The following EPS8 variants were observed in gnomAD, a reference collection of about 807,000 sequenced individuals.
The protein encoded by EPS8 is epidermal growth factor receptor kinase substrate 8.
In EPS8, 42 loss-of-function variants were observed where a neutral mutation model predicts 103.8. The ratio of observed to expected loss-of-function variants is 0.40; its 90% CI spans 0.32 to 0.52. The LOEUF (loss-of-function observed/expected upper bound fraction) is 0.52. Ranked by LOEUF, EPS8 falls within the 20% of genes least tolerant of loss-of-function variation. The pLI is 0.40. For missense variants in EPS8, 969 were observed against 1,005.1 expected (o/e 0.96, Z 0.49); for synonymous variants, 344 against 344.6 (o/e 1.00, Z 0.02).
intron 1 of EPS8, among the ~76,000 whole-genome samples, chr12:15,773,928 C>T (rs988493157): frequency 4.6e-5 from 7 of 152,000 alleles, no homozygotes; most frequent in Non-Finnish European, 8.8e-5. Context: ...TTTTTTGTGA[C>T]TTTAATAAAC....
intron 18 of EPS8, among the ~76,000 whole-genome samples, chr12:15,625,083 C>G (rs1286260229): frequency 6.6e-6 from 1 of 152,138 alleles, no homozygotes. Flanking sequence ...ACCCTATTCC[C>G]CAATCCTCAC....
In EPS8 at chr12:15,704,393, T is replaced by C. The variant is rs1946356240; in HGVS notation, c.-21-21421A>G. ...CTACATAAGGGAATTATTTATCCTT[T>C]AAAAGGAAACAGACATCTCTCATAC... On this transcript the variant is annotated intron_variant, in intron 1 of 20. Transcript: ENST00000281172. This position sits in a 1 kb window ranked among gnomAD's most constrained non-coding sequence, Gnocchi z 4.6. 6.6e-6 allele frequency among the ~76,000 whole-genome samples: 1 copy of C among 152,148 alleles called. No homozygotes were observed. The highest frequency in any genetic ancestry group is 2.4e-5 in the African/African-American group (1 of 41,428).
intron 18 of EPS8, 85 bp downstream of exon 18, chr12:15,631,357 C>T: frequency 6.4e-7 from 1 of 1,571,482 alleles, no homozygotes; most frequent in Non-Finnish European, 8.6e-7. Flanking sequence ...GACTTTAATA[C>T]AAGTAGAATC....
rs920547761 is a variant in EPS8 at position 15,621,373 on chromosome 12, T to A, written c.2413A>T (p.Ser805Cys). Residue 805 changes from serine (S) to cysteine (C), a missense_variant, in exon 21 of 21, where the codon AGT (serine) becomes TGT (cysteine). Physicochemically the swap from Ser to Cys is moderately radical, Grantham distance 112. Coordinates refer to ENST00000281172, the MANE Select transcript of EPS8 (RefSeq NM_004447.6). The part of the protein sequence containing the change: ...EIMRRRQEKI[S>C]AAASDSGVES... ...ACTCCTGAATCACTAGCGGCAGCAC[T>A]GATTTTTTCCTGTCGTCTTCTCATA... 6.2e-7 allele frequency: 1 copy of A among 1,605,182 alleles called. No homozygotes were observed. The highest frequency in any genetic ancestry group is 1.7e-5 in the Admixed American group (1 of 58,284).
intron 8 of EPS8, among the ~76,000 whole-genome samples, chr12:15,663,800 T>C (rs1218352317): frequency 2.0e-5 from 3 of 150,350 alleles, no homozygotes; most frequent in Non-Finnish European, 1.5e-5. Context: ...CACACGCCTG[T>C]AATCCCAGCT....
chr12:15,627,239 C>G (rs1565465597), intron 18 of EPS8, among the ~76,000 whole-genome samples: 2 of 152,020 alleles, frequency 1.3e-5, no homozygotes, highest in Non-Finnish European at 2.9e-5. Flanking sequence ...CTCCTGACCT[C>G]GTGATCCACC....
intron 3 of EPS8, among the ~76,000 whole-genome samples, chr12:15,681,005 G>A (rs1339077402): frequency 6.6e-6 from 1 of 152,036 alleles, no homozygotes; most frequent in Non-Finnish European, 1.5e-5. Flanking sequence ...TGAAAGCACT[G>A]CAATACATTT....
At chr12:15,707,708 A>G (rs1946406416) in intron 1 of EPS8, among the ~76,000 whole-genome samples, 1 of 152,178 alleles carries the variant, frequency 6.6e-6, no homozygotes, top group South Asian at 2.1e-4. Flanking sequence ...CAATCTTGTA[A>G]TGAAGTTGGT....
rs1275041027 is a variant in EPS8 at position 15,769,172 on chromosome 12, A to G, written c.-22+19989T>C. Among the ~76,000 whole-genome samples, 1 of 152,144 alleles carries G rather than the reference A, an allele frequency of 6.6e-6. No homozygotes were observed. Among genetic ancestry groups the G allele is most frequent in the Non-Finnish European group, 1.5e-5 (1 of 68,022 alleles). On this transcript the variant is annotated intron_variant, in intron 1 of 20. Transcript: ENST00000281172. This position sits in a 1 kb window ranked among gnomAD's most constrained non-coding sequence, Gnocchi z 4.6. Reference sequence around the variant, plus strand: ...AGGATCACATGAACTAACCTGAAAGAAAAAAACAGGAGTTCTCTGTCTATA... The same window carrying G: ...AGGATCACATGAACTAACCTGAAAGGAAAAAACAGGAGTTCTCTGTCTATA...
At position 15,647,130 on chromosome 12, in the gene EPS8, T is replaced by C; in HGVS notation, c.1565A>G (p.Asp522Gly). ...AAGGGTGCCCATTAAATGTTACCTA[T>C]CTATATGGCGATTAGAAGTTGGCTT... is the stretch of plus-strand genomic sequence containing the variant. ...AFKPTSNRHI[D>G]RNYEPLKTQP... is the part of the protein sequence containing the mutation. Residue 522 changes from aspartate to glycine, a missense_variant, in exon 15 of 21, where the codon GAT (aspartate) becomes GGT (glycine). By Grantham distance (94) the Asp-to-Gly change is moderately conservative (BLOSUM62 -1). Coordinates refer to ENST00000281172, the MANE Select transcript of EPS8 (RefSeq NM_004447.6). The C allele has an allele frequency of 1.9e-6, 3 of 1,613,298 alleles. No homozygotes were observed. Among genetic ancestry groups the C allele is most frequent in the Non-Finnish European group, 1.7e-6 (2 of 1,179,612 alleles).
chr12:15,778,637 A>G lies in EPS8; in HGVS notation c.-22+10524T>C, dbSNP rs1347634100. ...AAAAATTCACATTCCTGGATTAAAG[A>G]ATAATATTTGTAAACTCCCAAACAC... is the stretch of plus-strand genomic sequence containing the variant. On this transcript the variant is annotated intron_variant, in intron 1 of 20. Transcript: ENST00000281172. The surrounding 1 kb of genome is among the most constrained non-coding windows in gnomAD (Gnocchi z 4.5). Among the ~76,000 whole-genome samples, 1 of 152,208 alleles carries G rather than the reference A, an allele frequency of 6.6e-6. No individual in the cohort carries two copies. Among genetic ancestry groups the G allele is most frequent in the Admixed American group, 6.5e-5 (1 of 15,290 alleles).
Position 15,684,714 on chromosome 12 carries a change from G to A in EPS8, c.-21-1742C>T, listed in dbSNP as rs1205133721. Among the ~76,000 whole-genome samples the A allele has an allele frequency of 6.6e-6, 1 of 152,114 alleles. No individual in the cohort carries two copies. Among genetic ancestry groups the A allele is most frequent in the Non-Finnish European group, 1.5e-5 (1 of 68,024 alleles). ...TGTCATTACTTTCTGGAAGGGCTGG[G>A]ACTTGACCTAGTTCTTAAAAAAATG... is the stretch of plus-strand genomic sequence containing the variant. On this transcript the variant is annotated intron_variant, in intron 1 of 20. Coordinates refer to ENST00000281172, the MANE Select transcript of EPS8 (RefSeq NM_004447.6). The surrounding 1 kb of genome is among the most constrained non-coding windows in gnomAD (Gnocchi z 4.9).
At chr12:15,726,535 T>C (rs1046275431) in intron 1 of EPS8, among the ~76,000 whole-genome samples, 1 of 152,066 alleles carries the variant, frequency 6.6e-6, no homozygotes, top group African/African-American at 2.4e-5. Flanking sequence ...TCAGATTTTG[T>C]GAAAAAGCCT....
chr12:15,655,776 C>T (rs1385186088), intron 12 of EPS8, among the ~76,000 whole-genome samples: 1 of 152,190 alleles, frequency 6.6e-6, no homozygotes, highest in African/African-American at 2.4e-5. Flanking sequence ...GGCACATGTG[C>T]TGTGGCTACG....
chr12:15,748,576 A>G lies in EPS8; in HGVS notation c.-22+40585T>C, dbSNP rs1402558127. On this transcript the variant is annotated intron_variant, in intron 1 of 20. Coordinates refer to ENST00000281172, the MANE Select transcript of EPS8 (RefSeq NM_004447.6). The surrounding 1 kb of genome is among the most constrained non-coding windows in gnomAD (Gnocchi z 4.8). Reference sequence around the variant, plus strand: ...AGAGAAATTCCACAGCTCCCTTGGTATTTTTCACTCTGGATCTGAACAACT... The same window carrying G: ...AGAGAAATTCCACAGCTCCCTTGGTGTTTTTCACTCTGGATCTGAACAACT... Among the ~76,000 whole-genome samples, 2 of 152,082 alleles carry G rather than the reference A, an allele frequency of 1.3e-5. No homozygotes were observed. The highest frequency in any genetic ancestry group is 4.8e-5 in the African/African-American group (2 of 41,404).
chr12:15,696,511 T>C lies in EPS8; in HGVS notation c.-21-13539A>G, dbSNP rs1357849320. On this transcript the variant is annotated intron_variant, in intron 1 of 20. Coordinates refer to ENST00000281172, the MANE Select transcript of EPS8 (RefSeq NM_004447.6). The surrounding 1 kb of genome is among the most constrained non-coding windows in gnomAD (Gnocchi z 4.8). ...AAAAAATTAGCTGGGCATGATGACA[T>C]ATACCTGTAATCCCAGCTACTCGGG... Among the ~76,000 whole-genome samples the C allele has an allele frequency of 6.6e-6, 1 of 151,720 alleles. No homozygotes were observed. The highest frequency in any genetic ancestry group is 2.4e-5 in the African/African-American group (1 of 41,268).
chr12:15,630,712 TATG>T (rs147672459), intron 18 of EPS8, among the ~76,000 whole-genome samples: 1 of 151,798 alleles, frequency 6.6e-6, no homozygotes, highest in East Asian at 1.9e-4. Context: ...GTAGGAAGGT[TATG>T]ATGATGATGA....
rs1946510422 is a variant in EPS8, at chr12:15,714,778, A to G, written c.-21-31806T>C. Among the ~76,000 whole-genome samples the G allele has an allele frequency of 6.6e-6, 1 of 152,214 alleles. No homozygotes were observed. The highest frequency in any genetic ancestry group is 2.1e-4 in the South Asian group (1 of 4,830). ...CTCAGAGTTTTCATCAGGTTTCTAT[A>G]ACTTTAAAAGTGAAAAGCATCACTA... is the stretch of plus-strand genomic sequence containing the variant. On this transcript the variant is annotated intron_variant, in intron 1 of 20. Transcript: ENST00000281172. The surrounding 1 kb of genome is among the most constrained non-coding windows in gnomAD (Gnocchi z 4.1).
chr12:15,663,944 A>AAAAAAAATAATAAT (rs1555112203), intron 8 of EPS8, among the ~76,000 whole-genome samples: 1 of 85,976 alleles, frequency 1.2e-5, no homozygotes, highest in African/African-American at 4.5e-5. Flanking sequence ...AAAAAAAAAA[A>AAAAAAAATAATAAT]AATAATATAT....
Sources: gnomAD v4.1 joint callset for allele counts (sites outside exome capture counted in the v4.1 genomes callset) on GRCh38, gnomAD v4.1.1 for gene constraint, Gnocchi (gnomAD v3.1) non-coding constraint, MANE v1.5 for transcripts, NCBI Gene and HGNC (gene_info 2026-07-23, HGNC 2026-07-21) for gene names.